The following PDE1C variants were observed in gnomAD, a reference collection of about 807,000 sequenced individuals.
The protein encoded by PDE1C is dual specificity calcium/calmodulin-dependent 3',5'-cyclic nucleotide phosphodiesterase 1C.
In PDE1C, 62 loss-of-function variants were observed where a neutral mutation model predicts 93.1. The observed-to-expected ratio is 0.67, with a 90% confidence interval of 0.54 to 0.82. The LOEUF (loss-of-function observed/expected upper bound fraction) is 0.82, where lower values mean the gene tolerates loss of function less well. PDE1C is among the 40% of genes least tolerant of loss of function. The probability of loss-of-function intolerance (pLI) is 0.00; values close to 1 mark genes in which losing one functional copy is unlikely to be tolerated. For missense variants in PDE1C, 742 were observed against 884.6 expected (o/e 0.84, Z 2.04); for synonymous variants, 325 against 310.1 (o/e 1.05, Z -0.50).
intron 1 of PDE1C, among the ~76,000 whole-genome samples, chr7:32,324,711 G>A (rs1363426500): frequency 6.6e-6 from 1 of 152,206 alleles, no homozygotes; most frequent in African/African-American, 2.4e-5. Context: ...CACTTTGGGA[G>A]GCCAAAGTGG....
intron 2 of PDE1C, among the ~76,000 whole-genome samples, chr7:32,013,949 C>T (rs11771123): frequency 1.3e-5 from 2 of 152,174 alleles, no homozygotes; most frequent in Non-Finnish European, 2.9e-5. Context: ...AATACACACA[C>T]CTCTCAAAAG....
At chr7:31,924,121 A>C (rs1803026000) in intron 2 of PDE1C, among the ~76,000 whole-genome samples, 1 of 152,194 alleles carries the variant, frequency 6.6e-6, no homozygotes, top group East Asian at 1.9e-4. Flanking sequence ...AGGATAAATT[A>C]GGATCTCCCA....
At chr7:31,652,014 A>G in the PDE1C span, 1 of 1,604,570 alleles carries the variant, frequency 6.2e-7, no homozygotes, top group Non-Finnish European at 8.5e-7. Context: ...TTCAGTTAGG[A>G]GACCGGGCTC....
chr7:31,848,340 A>G (rs1792884474), intron 8 of PDE1C, among the ~76,000 whole-genome samples: 1 of 152,188 alleles, frequency 6.6e-6, no homozygotes, highest in Non-Finnish European at 1.5e-5. Context: ...AACTCTCTCA[A>G]AACTGTTTTA....
chr7:31,864,917 C>G lies in PDE1C; in HGVS notation c.750+25G>C, dbSNP rs781675368. On this transcript the variant is annotated intron_variant, in intron 7 of 17. Transcript: ENST00000396191. ...ACTCATCCTTACATCTTTTGGGGAA[C>G]CTAAGAGTTCCTATCCCTACTTACC... 5.6e-6 allele frequency: 9 copies of G among 1,607,374 alleles called. No homozygotes were observed. The Admixed American group carries it at 1.0e-4, about 18-fold the overall frequency.
chr7:31,654,983 G>A, the PDE1C span, among the ~76,000 whole-genome samples: 1,115 of 152,178 alleles, frequency 7.3e-3, 7 homozygotes, highest in African/African-American at 0.024. Context: ...TTCTCAGAGC[G>A]TGGACATCCC....
chr7:32,181,302 T>C (rs921434811), intron 2 of PDE1C, among the ~76,000 whole-genome samples: 3 of 152,140 alleles, frequency 2.0e-5, no homozygotes, highest in Non-Finnish European at 2.9e-5. Context: ...GCGGACCTAA[T>C]AGACATCTAC....
chr7:31,638,361 ACT>A, the PDE1C span, among the ~76,000 whole-genome samples: 2 of 152,208 alleles, frequency 1.3e-5, no homozygotes, highest in Non-Finnish European at 2.9e-5. Context: ...CTGTTCTATT[ACT>A]CAGGTTAAAG....
chr7:32,034,341 G>A (rs1584534446), intron 2 of PDE1C, among the ~76,000 whole-genome samples: 2 of 152,004 alleles, frequency 1.3e-5, no homozygotes, highest in Admixed American at 1.3e-4. Flanking sequence ...ACCCATTATG[G>A]CTCAATCAGA....
chr7:32,070,547 G>A (rs1795922325), upstream of PDE1C: 1 of 1,455,268 alleles, frequency 6.9e-7, no homozygotes, highest in Non-Finnish European at 9.0e-7. Context: ...CCCAGACTCC[G>A]ACTTAGAGCG....
chr7:32,055,676 A>G (rs1299685508), intron 1 of PDE1C, among the ~76,000 whole-genome samples: 2 of 152,256 alleles, frequency 1.3e-5, no homozygotes, highest in Admixed American at 1.3e-4. Context: ...AAGAACTTCA[A>G]CAGAATCCCT....
At chr7:32,376,711 C>G (rs1190856170) in intron 1 of PDE1C, among the ~76,000 whole-genome samples, 2 of 151,814 alleles carry the variant, frequency 1.3e-5, no homozygotes, top group Non-Finnish European at 1.5e-5. Context: ...TTTTTGAGAC[C>G]AAGTCTCACT....
In PDE1C at chr7:31,823,009, A is replaced by C. The variant is rs1024354985; in HGVS notation, c.1582+64T>G. On this transcript the variant is annotated intron_variant, in intron 14 of 17. Transcript: ENST00000396191. ...CAACTGTGCTTTATTTGTAACACACATAACTCAGAGAGGACAACCTTGTTT... is the reference window on the plus strand; with the variant it reads ...CAACTGTGCTTTATTTGTAACACACCTAACTCAGAGAGGACAACCTTGTTT... The C allele has an allele frequency of 4.3e-5, 59 of 1,366,662 alleles. 2 individuals carry two copies. The Admixed American group carries it at 7.0e-4, about 16-fold the overall frequency. 84.7% of individuals were successfully genotyped at this position (1,366,662 alleles called of 1,614,324 possible).
intron 1 of PDE1C, among the ~76,000 whole-genome samples, chr7:32,264,402 G>T (rs545769147): frequency 1.3e-5 from 2 of 152,100 alleles, no homozygotes; most frequent in Non-Finnish European, 2.9e-5. Flanking sequence ...TAGATTGAGG[G>T]ATTAGTTAAT....
At chr7:32,037,970 C>T (rs1791327868) in intron 2 of PDE1C, among the ~76,000 whole-genome samples, 2 of 152,106 alleles carry the variant, frequency 1.3e-5, no homozygotes, top group Non-Finnish European at 2.9e-5. Flanking sequence ...TTTGTTCAAT[C>T]TCTCAGTAGT....
At position 32,030,573 on chromosome 7, in the gene PDE1C, G is replaced by A. The variant is rs143778011; in HGVS notation, c.128+20981C>T. Among the ~76,000 whole-genome samples the A allele has an allele frequency of 2.6e-3, 392 of 152,172 alleles. 10 individuals carry two copies. The highest frequency in any genetic ancestry group is 0.022 in the Admixed American group (340 of 15,270). On this transcript the variant is annotated intron_variant, in intron 2 of 17. Transcript: ENST00000396191. ...TTCAGACACATTACCGCCAAAATAA[G>A]TTACCTGGGCATATTGAATATTTTA...
intron 2 of PDE1C, among the ~76,000 whole-genome samples, chr7:32,018,962 T>C (rs1024761532): frequency 3.9e-5 from 6 of 151,992 alleles, no homozygotes; most frequent in Non-Finnish European, 8.8e-5. Context: ...TCTCCTACTG[T>C]ACCATGGAGG....
At chr7:32,225,915 G>A (rs371681532) in intron 1 of PDE1C, among the ~76,000 whole-genome samples, 10 of 152,118 alleles carry the variant, frequency 6.6e-5, no homozygotes, top group South Asian at 4.2e-4. Flanking sequence ...AAAATTAGCC[G>A]GGCATGGTGG....
At chr7:32,058,935 G>GACA (rs1192178492) in intron 1 of PDE1C, among the ~76,000 whole-genome samples, 2 of 144,748 alleles carry the variant, frequency 1.4e-5, no homozygotes, top group South Asian at 2.2e-4. Context: ...TCCAAAGCAA[G>GACA]ACAACAACAA....
Sources: allele counts gnomAD v4.1 joint callset (sites outside exome capture counted in the v4.1 genomes callset), GRCh38; gene constraint gnomAD v4.1.1; transcripts MANE v1.5; gene names NCBI Gene and HGNC (gene_info 2026-07-23, HGNC 2026-07-21).